Variants in COL27A1 observed in about 807,000 individuals in gnomAD.
The protein encoded by COL27A1 is collagen alpha-1(XXVII) chain.
A neutral mutation model predicts 251.3 loss-of-function variants in COL27A1; 106 were observed. The observed-to-expected ratio is 0.42, with a 90% confidence interval of 0.36 to 0.50. COL27A1 has a LOEUF of 0.50. Ranked by LOEUF, COL27A1 falls within the 20% of genes least tolerant of loss-of-function variation. COL27A1 has a pLI of 0.00. For missense variants in COL27A1, 2,325 were observed against 2,522.8 expected (o/e 0.92, Z 1.68); for synonymous variants, 1,000 against 986.3 (o/e 1.01, Z -0.26).
chr9:114,219,129 C>T (rs1396434932), intron 12 of COL27A1, among the ~76,000 whole-genome samples: 1 of 152,180 alleles, frequency 6.6e-6, no homozygotes, highest in Non-Finnish European at 1.5e-5. Flanking sequence ...TTTCCAGCTG[C>T]CTATCTCCCC....
At chr9:114,219,745 T>G in intron 12 of COL27A1, 46 bp from the exon 13 acceptor site, 1 of 1,403,874 alleles carries the variant, frequency 7.1e-7, no homozygotes, top group Non-Finnish European at 1.0e-6. Flanking sequence ...ACCCTGAAGG[T>G]GACAACACTA....
Position 114,264,326 on chromosome 9 carries a change from G to T in COL27A1, c.3196-29G>T, listed in dbSNP as rs148611858. ...CGCCCGAGGGAGACCCCTGCTGTCCGGTGTGCTAGTCCCTTTTTCCTATTC... is the reference window on the plus strand; with the variant it reads ...CGCCCGAGGGAGACCCCTGCTGTCCTGTGTGCTAGTCCCTTTTTCCTATTC... On this transcript the variant is annotated intron_variant, in intron 28 of 60. Transcript: ENST00000356083. 11 of 1,556,044 alleles carry T rather than the reference G, an allele frequency of 7.1e-6. No individual in the cohort carries two copies. The East Asian group carries it at 1.9e-4, about 27-fold the overall frequency.
At chr9:114,310,480 G>T in intron 60 of COL27A1, 69 bp from the exon 61 acceptor site, 1 of 1,563,944 alleles carries the variant, frequency 6.4e-7, no homozygotes, top group South Asian at 1.1e-5. Flanking sequence ...AAGATGGAAG[G>T]GAAAATGCTC....
rs1412735989 is a variant in COL27A1, at chr9:114,299,799, GA to G, written c.4585-270del. On this transcript the variant is annotated intron_variant, in intron 49 of 60. Coordinates refer to ENST00000356083, the MANE Select transcript of COL27A1 (RefSeq NM_032888.4). ...TCTGTCCCTTGAAGACCTGGGACAGGAGCTCCTGAGTGTGGCAGAGCCTCCT... is the reference window on the plus strand; with the variant it reads ...TCTGTCCCTTGAAGACCTGGGACAGGGCTCCTGAGTGTGGCAGAGCCTCCT... Among the ~76,000 whole-genome samples, 5 of 152,204 alleles carry G rather than the reference GA, an allele frequency of 3.3e-5. No individual in the cohort carries two copies. The East Asian group carries it at 9.6e-4, about 29-fold the overall frequency.
At chr9:114,241,362 G>A (rs1182289801) in intron 21 of COL27A1, among the ~76,000 whole-genome samples, 1 of 152,260 alleles carries the variant, frequency 6.6e-6, no homozygotes, top group East Asian at 1.9e-4. Flanking sequence ...TGGGTCTGGC[G>A]GGGTCCCAGC....
intron 19 of COL27A1, among the ~76,000 whole-genome samples, chr9:114,238,380 C>T (rs1232652218): frequency 6.6e-6 from 1 of 152,122 alleles, no homozygotes; most frequent in Non-Finnish European, 1.5e-5. Flanking sequence ...GTCTAGAGAG[C>T]TGGGCTGAGC....
rs766660251 is a variant in COL27A1, at chr9:114,168,618, C to G, written c.1063C>G (p.Pro355Ala). The G allele has an allele frequency of 6.2e-7, 1 of 1,614,084 alleles. No homozygotes were observed. Among genetic ancestry groups the G allele is most frequent in the Non-Finnish European group, 8.5e-7 (1 of 1,180,026 alleles). ...AACGCCTCGCCCTGCGGCCGCTCAA[C>G]CATCACAGAAGATCACAGCCACCAA... ...TRTPRPAAAQ[P>A]SQKITATKIP... Residue 355 changes from proline (P) to alanine (A), a missense_variant, in exon 3 of 61, where the codon CCA becomes GCA. Coordinates refer to ENST00000356083, the MANE Select transcript of COL27A1 (RefSeq NM_032888.4).
chr9:114,287,905 T>A (rs1827621685), intron 41 of COL27A1, among the ~76,000 whole-genome samples: 1 of 152,240 alleles, frequency 6.6e-6, no homozygotes, highest in African/African-American at 2.4e-5. Context: ...TAATCGCATC[T>A]GCTTCACAGC....
Position 114,310,668 on chromosome 9 carries a change from G to A in COL27A1, c.5556G>A (p.Leu1852=). Residue 1852 remains leucine (L), a synonymous_variant, in exon 61 of 61, where the codon CTG becomes CTA. Transcript: ENST00000356083. ...PPASSGKQYR[L]EVGPACFL is the part of the protein sequence containing the mutation. ...CCTCATCAGGGAAGCAGTACCGCCT[G>A]GAAGTTGGACCTGCGTGCTTCCTCT... The A allele has an allele frequency of 6.2e-7, 1 of 1,614,190 alleles. No individual in the cohort carries two copies. The highest frequency in any genetic ancestry group is 1.1e-5 in the South Asian group (1 of 91,086).
chr9:114,185,716 T>A (rs1046738946), intron 5 of COL27A1, among the ~76,000 whole-genome samples: 8 of 152,326 alleles, frequency 5.3e-5, no homozygotes, highest in African/African-American at 1.9e-4. Context: ...GGGCCACACA[T>A]CCATTCATCC....
rs765856097 is a variant in COL27A1 at position 114,168,084 on chromosome 9, C to T, written c.529C>T (p.Arg177Cys). Reference protein sequence around the residue: ...TVTLVTACGQRRVPVLLPFHR... With the variant: ...TVTLVTACGQCRVPVLLPFHR... ...CACTCTGGTGACTGCCTGCGGGCAGCGCCGGGTGCCTGTCCTGCTGCCTTT... is the reference window on the plus strand; with the variant it reads ...CACTCTGGTGACTGCCTGCGGGCAGTGCCGGGTGCCTGTCCTGCTGCCTTT... Residue 177 changes from arginine (R) to cysteine (C), a missense_variant, in exon 3 of 61, where the codon CGC (arginine) becomes TGC (cysteine). This residue lies in a region of COL27A1 where 1,183 missense variants were observed against 1,144.1 expected (regional missense o/e 1.03). Coordinates refer to ENST00000356083, the MANE Select transcript of COL27A1 (RefSeq NM_032888.4). 9.3e-6 allele frequency: 15 copies of T among 1,610,566 alleles called. No homozygotes were observed. The highest frequency in any genetic ancestry group is 1.1e-5 in the Non-Finnish European group (13 of 1,179,972).
chr9:114,243,640 C>A, intron 23 of COL27A1, 80 bp downstream of exon 23: 1 of 1,206,672 alleles, frequency 8.3e-7, no homozygotes, highest in Non-Finnish European at 1.2e-6. Context: ...AGCCCCAAAT[C>A]CCATGGCCAG....
chr9:114,214,697 G>A (rs558520426), intron 12 of COL27A1, among the ~76,000 whole-genome samples: 89 of 152,186 alleles, frequency 5.8e-4, no homozygotes, highest in Non-Finnish European at 1.1e-3. Flanking sequence ...TCTCCACATG[G>A]CTCCCTCTTC....
chr9:114,232,726 C>G (rs1455073039), intron 16 of COL27A1, among the ~76,000 whole-genome samples: 1 of 152,224 alleles, frequency 6.6e-6, no homozygotes, highest in Non-Finnish European at 1.5e-5. Flanking sequence ...TGGGCGCCAT[C>G]TGAGTGTACC....
rs547405634 is a variant in COL27A1 at position 114,235,663 on chromosome 9, G to A, written c.2619+11G>A. The A allele has an allele frequency of 6.2e-7, 1 of 1,609,828 alleles. No individual in the cohort carries two copies. Among genetic ancestry groups the A allele is most frequent in the South Asian group, 1.1e-5 (1 of 90,996 alleles). ...TTCCAAGGAGACAAGGTAATTGCAT[G>A]AGATTTTCCCCTCCCCCTGCCCCTG... On this transcript the variant is annotated intron_variant, in intron 17 of 60. Transcript: ENST00000356083.
chr9:114,278,871 AAC>A (rs1714005875), intron 37 of COL27A1, among the ~76,000 whole-genome samples: 1 of 152,056 alleles, frequency 6.6e-6, no homozygotes, highest in Non-Finnish European at 1.5e-5. Flanking sequence ...AGTATTTAAA[AAC>A]AGAATTTTAT....
chr9:114,258,548 C>T lies in COL27A1; in HGVS notation c.3149C>T (p.Pro1050Leu), dbSNP rs1306335048. 6.2e-7 allele frequency: 1 copy of T among 1,614,024 alleles called. No homozygotes were observed. Among genetic ancestry groups the T allele is most frequent in the East Asian group, 2.2e-5 (1 of 44,882 alleles). The change falls in exon 28 of 61, where the codon CCA (proline) becomes CTA (leucine). Residue 1050 changes from proline to leucine, a missense_variant. This residue lies in a region of COL27A1 where 662 missense variants were observed against 795.3 expected (regional missense o/e 0.83). Transcript: ENST00000356083. The part of the protein sequence containing the change: ...TPGEPGPQGP[P>L]GSRGPPGMRG... Reference sequence around the variant, plus strand: ...TCTTTCTCCTCTTCCCAGGGTCCTCCAGGATCTCGAGGCCCACCAGGCATG... The same window carrying T: ...TCTTTCTCCTCTTCCCAGGGTCCTCTAGGATCTCGAGGCCCACCAGGCATG...
At chr9:114,275,505 G>A (rs1211926598) in intron 36 of COL27A1, among the ~76,000 whole-genome samples, 156 bp from the exon 37 acceptor site, 1 of 152,136 alleles carries the variant, frequency 6.6e-6, no homozygotes, top group African/African-American at 2.4e-5. Context: ...CCGAGTCACA[G>A]CACCCTGCCT....
At chr9:114,265,509 T>G in intron 32 of COL27A1, 34 bp downstream of exon 32, 1 of 1,607,676 alleles carries the variant, frequency 6.2e-7, no homozygotes, top group Non-Finnish European at 8.5e-7. Flanking sequence ...TCTGCTTCTT[T>G]GCCGCTGGCA....
Sources: gnomAD v4.1 joint callset for allele counts (sites outside exome capture counted in the v4.1 genomes callset) on GRCh38, gnomAD v4.1.1 for gene constraint, gnomAD v4.1.1 regional missense constraint, MANE v1.5 for transcripts, NCBI Gene and HGNC (gene_info 2026-07-23, HGNC 2026-07-21) for gene names.